Variants in SPOCK3 observed in about 807,000 individuals in gnomAD.
SPOCK3 encodes the protein testican-3.
A neutral mutation model predicts 56.6 loss-of-function variants in SPOCK3; 30 were observed. The observed-to-expected ratio is 0.53, with a 90% CI of 0.40 to 0.72. The LOEUF (loss-of-function observed/expected upper bound fraction) is 0.72, where lower values mean the gene tolerates loss of function less well. Among genes scored for constraint, SPOCK3 ranks in the 30% least tolerant of loss-of-function variants. SPOCK3 has a pLI of 0.00. For missense variants in SPOCK3, 527 were observed against 530.0 expected (o/e 0.99, Z 0.06); for synonymous variants, 196 against 183.3 (o/e 1.07, Z -0.56).
chr4:166,927,051 G>T (rs1739188268), intron 4 of SPOCK3, among the ~76,000 whole-genome samples: 1 of 152,138 alleles, frequency 6.6e-6, no homozygotes, highest in African/African-American at 2.4e-5. Context: ...TTTCAAAGCT[G>T]CAAATTATGA....
Position 166,857,852 on chromosome 4 carries a change from A to C in SPOCK3, c.589+31278T>G, listed in dbSNP as rs566624669. Among the ~76,000 whole-genome samples the C allele has an allele frequency of 2.0e-5, 3 of 152,338 alleles. No homozygotes were observed. The East Asian group carries it at 5.8e-4, about 29-fold the overall frequency. ...GCTTTTAGCCCTTTTGCCTTGCCAAAAAGCAGTGATCTATATTATCCTATT... is the reference window on the plus strand; with the variant it reads ...GCTTTTAGCCCTTTTGCCTTGCCAACAAGCAGTGATCTATATTATCCTATT... On this transcript the variant is annotated intron_variant, in intron 6 of 10. Transcript: ENST00000357545.
At chr4:167,155,658 G>T (rs1468822807) in intron 2 of SPOCK3, among the ~76,000 whole-genome samples, 1 of 152,152 alleles carries the variant, frequency 6.6e-6, no homozygotes, top group Non-Finnish European at 1.5e-5. Context: ...TGGGCAGAGA[G>T]TATTAAATGT....
intron 4 of SPOCK3, among the ~76,000 whole-genome samples, chr4:166,919,415 C>T (rs544345197): frequency 1.3e-5 from 2 of 152,220 alleles, no homozygotes; most frequent in South Asian, 4.1e-4. Flanking sequence ...AAGTGGTGGG[C>T]ATATTCATAA....
At chr4:166,769,842 G>A (rs1452502169) in intron 7 of SPOCK3, among the ~76,000 whole-genome samples, 1 of 152,156 alleles carries the variant, frequency 6.6e-6, no homozygotes, top group Non-Finnish European at 1.5e-5. Flanking sequence ...CTACCCAGAT[G>A]GAGCTTCCTG....
At chr4:167,091,602 C>T (rs1758708706) in intron 2 of SPOCK3, among the ~76,000 whole-genome samples, 1 of 152,114 alleles carries the variant, frequency 6.6e-6, no homozygotes, top group South Asian at 2.1e-4. Context: ...TTATTTAATA[C>T]CGTGTTGGAC....
chr4:166,853,576 T>C lies in SPOCK3; in HGVS notation c.589+35554A>G, dbSNP rs1445558795. On this transcript the variant is annotated intron_variant, in intron 6 of 10. Coordinates refer to ENST00000357545, the MANE Select transcript of SPOCK3 (RefSeq NM_001040159.2). ...TCAAAGCATTTTACAGGATGGGTAA[T>C]GAACTAAATAACAGTTGTATGGTGG... Among the ~76,000 whole-genome samples the C allele has an allele frequency of 3.3e-5, 5 of 152,270 alleles. No individual in the cohort carries two copies. In the South Asian group the frequency reaches 1.0e-3, roughly 32 times the overall value.
intron 6 of SPOCK3, among the ~76,000 whole-genome samples, chr4:166,815,301 A>C (rs1198625928): frequency 6.6e-6 from 1 of 150,420 alleles, no homozygotes; most frequent in East Asian, 1.9e-4. Flanking sequence ...ACAAAACTGT[A>C]TAATTACAAA....
At chr4:166,942,068 A>C (rs2150017420) in intron 4 of SPOCK3, among the ~76,000 whole-genome samples, 1 of 152,340 alleles carries the variant, frequency 6.6e-6, no homozygotes, top group East Asian at 1.9e-4. Context: ...TTGATATTTT[A>C]ATACATAACT....
chr4:166,838,842 A>C (rs1746916276), intron 6 of SPOCK3, among the ~76,000 whole-genome samples: 1 of 150,082 alleles, frequency 6.7e-6, no homozygotes, highest in Admixed American at 6.7e-5. Flanking sequence ...AGACACCTGT[A>C]ATCCAGCTAC....
chr4:167,201,534 C>G (rs1323918522), intron 2 of SPOCK3, among the ~76,000 whole-genome samples: 2 of 151,816 alleles, frequency 1.3e-5, no homozygotes, highest in Non-Finnish European at 2.9e-5. Flanking sequence ...TAAATGCATG[C>G]CTGCTTTTGC....
chr4:167,041,406 A>C (rs932282139), intron 3 of SPOCK3, among the ~76,000 whole-genome samples: 1 of 152,178 alleles, frequency 6.6e-6, no homozygotes, highest in African/African-American at 2.4e-5. Context: ...CAGAGGCTAC[A>C]TGATATCTTG....
chr4:167,173,892 G>T (rs1428996015), intron 2 of SPOCK3, among the ~76,000 whole-genome samples: 1 of 152,150 alleles, frequency 6.6e-6, no homozygotes, highest in Non-Finnish European at 1.5e-5. Context: ...AGGCCTGAGG[G>T]TTTCAGGAAA....
At chr4:166,915,959 G>T (rs1737803287) in intron 4 of SPOCK3, among the ~76,000 whole-genome samples, 1 of 152,046 alleles carries the variant, frequency 6.6e-6, no homozygotes, top group Non-Finnish European at 1.5e-5. Context: ...TCAGAAATTG[G>T]TCTTCCAACA....
intron 3 of SPOCK3, among the ~76,000 whole-genome samples, chr4:167,020,212 A>G (rs1751037913): frequency 6.6e-6 from 1 of 152,088 alleles, no homozygotes; most frequent in Non-Finnish European, 1.5e-5. Context: ...TAGATACAGC[A>G]GTTTGGAAAT....
At chr4:166,819,190 C>T (rs541095335) in intron 6 of SPOCK3, among the ~76,000 whole-genome samples, 3 of 152,052 alleles carry the variant, frequency 2.0e-5, no homozygotes, top group African/African-American at 2.4e-5. Flanking sequence ...AAGAAAAATG[C>T]TCAAAAAACT....
intron 8 of SPOCK3, among the ~76,000 whole-genome samples, chr4:166,743,031 T>C (rs942695762): frequency 6.6e-6 from 1 of 152,136 alleles, no homozygotes; most frequent in African/African-American, 2.4e-5. Flanking sequence ...TTTGAGTGAC[T>C]TGATTTTGGT....
chr4:166,900,108 T>C (rs912924301), intron 5 of SPOCK3, among the ~76,000 whole-genome samples: 2 of 152,172 alleles, frequency 1.3e-5, no homozygotes, highest in African/African-American at 4.8e-5. Flanking sequence ...AAACCTCTAT[T>C]GAGACTTTTT....
intron 2 of SPOCK3, among the ~76,000 whole-genome samples, chr4:167,167,041 T>G (rs1286805687): frequency 6.6e-6 from 1 of 152,060 alleles, no homozygotes; most frequent in African/African-American, 2.4e-5. Context: ...TGATGTTTCA[T>G]TTTATTTTAT....
intron 2 of SPOCK3, among the ~76,000 whole-genome samples, chr4:167,111,761 A>ATT (rs1760918040): frequency 7.0e-6 from 1 of 142,484 alleles, no homozygotes; most frequent in Non-Finnish European, 1.6e-5. Context: ...TAAAAGTAGC[A>ATT]CTTTTTTTTT....
Sources: gnomAD v4.1 joint callset for allele counts (sites outside exome capture counted in the v4.1 genomes callset) on GRCh38, gnomAD v4.1.1 for gene constraint, MANE v1.5 for transcripts, NCBI Gene and HGNC (gene_info 2026-07-23, HGNC 2026-07-21) for gene names.